The following CSNK1G1 variants were observed in gnomAD, a reference collection of about 807,000 sequenced individuals.
The protein encoded by CSNK1G1 is casein kinase 1 gamma 1, also known as casein kinase I isoform gamma-1.
CSNK1G1 carries 22 observed loss-of-function variants against 59.6 expected under a neutral mutation model. The observed-to-expected ratio is 0.37, with a 90% CI of 0.26 to 0.53. The LOEUF (loss-of-function observed/expected upper bound fraction) is 0.53. CSNK1G1 is among the 20% of genes least tolerant of loss of function. CSNK1G1 has a pLI of 0.89. For missense variants in CSNK1G1, 384 were observed against 519.5 expected (o/e 0.74, Z 2.54); for synonymous variants, 179 against 177.1 (o/e 1.01, Z -0.08).
rs1362851044 is a variant in CSNK1G1, at chr15:64,354,724, T to A, written c.-225+1264A>T. 2.0e-5 allele frequency among the ~76,000 whole-genome samples: 3 copies of A among 152,274 alleles called. No homozygotes were observed. In the East Asian group the frequency reaches 5.8e-4, roughly 29 times the overall value. ...AATTTATCTTCTAATTCAAAGGTGGTTCCGTTTAAAATGGGATGTTACTTA... is the reference window on the plus strand; with the variant it reads ...AATTTATCTTCTAATTCAAAGGTGGATCCGTTTAAAATGGGATGTTACTTA... On this transcript the variant is annotated intron_variant, in intron 1 of 11. Transcript: ENST00000303052.
chr15:64,262,166 T>C (rs908263662), intron 2 of CSNK1G1, among the ~76,000 whole-genome samples: 7 of 152,180 alleles, frequency 4.6e-5, no homozygotes, highest in Non-Finnish European at 1.0e-4. Context: ...TCTACACAGA[T>C]ACCAGACATC....
chr15:64,257,610 T>C (rs1486902240), intron 3 of CSNK1G1, among the ~76,000 whole-genome samples: 7 of 152,130 alleles, frequency 4.6e-5, no homozygotes, highest in Non-Finnish European at 1.5e-5. Flanking sequence ...CAGTCTCGAC[T>C]TCCTGGGCTC....
chr15:64,342,072 C>T (rs1027731445), intron 1 of CSNK1G1, among the ~76,000 whole-genome samples: 1 of 152,154 alleles, frequency 6.6e-6, no homozygotes, highest in Non-Finnish European at 1.5e-5. Context: ...ATTTCCCTTC[C>T]GACAGTGACG....
At chr15:64,172,144 G>A (rs1224353583) in intron 11 of CSNK1G1, among the ~76,000 whole-genome samples, 159 bp from the exon 12 acceptor site, 2 of 152,352 alleles carry the variant, frequency 1.3e-5, no homozygotes, top group Non-Finnish European at 2.9e-5. Flanking sequence ...GCAGTGGGCA[G>A]TGTCTGCCAG....
At chr15:64,271,772 A>G (rs577885167) in intron 2 of CSNK1G1, among the ~76,000 whole-genome samples, 1 of 152,330 alleles carries the variant, frequency 6.6e-6, no homozygotes, top group African/African-American at 2.4e-5. Context: ...GAGGTCTGTA[A>G]GATCCATTTG....
chr15:64,251,625 G>T, intron 3 of CSNK1G1, 44 bp from the exon 4 acceptor site: 1 of 1,414,918 alleles, frequency 7.1e-7, no homozygotes. Context: ...TAAACAAATG[G>T]GATTTTTCCA....
At chr15:64,223,470 G>A (rs1313026275) in intron 4 of CSNK1G1, among the ~76,000 whole-genome samples, 1 of 152,118 alleles carries the variant, frequency 6.6e-6, no homozygotes, top group East Asian at 1.9e-4. Flanking sequence ...ATATGTGCTG[G>A]ATTCTTTGAT....
At chr15:64,202,125 C>G (rs1004703520) in intron 10 of CSNK1G1, among the ~76,000 whole-genome samples, 1 of 152,112 alleles carries the variant, frequency 6.6e-6, no homozygotes, top group South Asian at 2.1e-4. Flanking sequence ...TTCCAAACAA[C>G]GAACAATGAA....
intron 4 of CSNK1G1, among the ~76,000 whole-genome samples, chr15:64,229,939 T>TTTTTTTTTTTTTTTTA (rs768405168): frequency 8.2e-6 from 1 of 121,504 alleles, no homozygotes. Context: ...TTTTTTTTTT[T>TTTTTTTTTTTTTTTTA]AAGACAGAAT....
chr15:64,337,081 A>C (rs1158754666), intron 1 of CSNK1G1, among the ~76,000 whole-genome samples: 2 of 151,928 alleles, frequency 1.3e-5, no homozygotes, highest in African/African-American at 2.4e-5. Flanking sequence ...TACAAAAATT[A>C]TCCAGGCGCA....
chr15:64,260,418 G>A (rs929383380), intron 2 of CSNK1G1, among the ~76,000 whole-genome samples: 18 of 152,000 alleles, frequency 1.2e-4, no homozygotes, highest in African/African-American at 4.4e-4. Flanking sequence ...TACTATTTTA[G>A]TATTTTCTGA....
Position 64,200,232 on chromosome 15 carries a change from T to C in CSNK1G1, c.1107+2850A>G, listed in dbSNP as rs974797008. Reference sequence around the variant, plus strand: ...AGCCTTGGTGATAAGAGCTAAACTCTGTCTCAAAAAAAAAAAGAGACACAA... The same window carrying C: ...AGCCTTGGTGATAAGAGCTAAACTCCGTCTCAAAAAAAAAAAGAGACACAA... On this transcript the variant is annotated intron_variant, in intron 10 of 11. Coordinates refer to ENST00000303052, the MANE Select transcript of CSNK1G1 (RefSeq NM_022048.5). This position sits in a 1 kb window ranked among gnomAD's most constrained non-coding sequence, Gnocchi z 4.3. Among the ~76,000 whole-genome samples the C allele has an allele frequency of 4.6e-5, 7 of 151,654 alleles. No homozygotes were observed. The highest frequency in any genetic ancestry group is 1.7e-4 in the African/African-American group (7 of 41,270).
chr15:64,301,640 C>T (rs188153566), intron 1 of CSNK1G1, among the ~76,000 whole-genome samples: 2 of 152,344 alleles, frequency 1.3e-5, no homozygotes, highest in East Asian at 3.9e-4. Context: ...GTAATCCCAG[C>T]ACTTTGGGAG....
intron 10 of CSNK1G1, among the ~76,000 whole-genome samples, chr15:64,196,062 T>C (rs1445526409): frequency 1.3e-5 from 2 of 151,928 alleles, no homozygotes; most frequent in Non-Finnish European, 2.9e-5. Context: ...AAAAAATAAA[T>C]AAACATTAGT....
chr15:64,344,870 C>T (rs1241294015), intron 1 of CSNK1G1, among the ~76,000 whole-genome samples: 2 of 152,128 alleles, frequency 1.3e-5, no homozygotes, highest in African/African-American at 4.8e-5. Context: ...ATTTCATAAT[C>T]TATGAAACTC....
At chr15:64,320,094 A>G (rs2140437483) in intron 1 of CSNK1G1, among the ~76,000 whole-genome samples, 1 of 151,786 alleles carries the variant, frequency 6.6e-6, no homozygotes, top group East Asian at 1.9e-4. Context: ...TTTTGTAGAG[A>G]CAGAGTCTCA....
rs139696887 is a variant in CSNK1G1, at chr15:64,212,993, G to A, written c.679+897C>T. 4.7e-3 allele frequency among the ~76,000 whole-genome samples: 722 copies of A among 152,242 alleles called. 6 individuals carry two copies. Among genetic ancestry groups the A allele is most frequent in the African/African-American group, 0.017 (697 of 41,546 alleles). Reference sequence around the variant, plus strand: ...TGCACTCCAGCCTGGGTGATAGAGCGAGACTACATCTCAAAAAAATAAATA... The same window carrying A: ...TGCACTCCAGCCTGGGTGATAGAGCAAGACTACATCTCAAAAAAATAAATA... On this transcript the variant is annotated intron_variant, in intron 6 of 11. Coordinates refer to ENST00000303052, the MANE Select transcript of CSNK1G1 (RefSeq NM_022048.5).
At chr15:64,260,743 TAAAC>T (rs772381188) in intron 2 of CSNK1G1, among the ~76,000 whole-genome samples, 2 of 151,922 alleles carry the variant, frequency 1.3e-5, no homozygotes, top group African/African-American at 2.4e-5. Context: ...ATCTCATAAA[TAAAC>T]AAACAAACAA....
At chr15:64,255,280 T>C (rs1215928151) in intron 3 of CSNK1G1, among the ~76,000 whole-genome samples, 1 of 148,430 alleles carries the variant, frequency 6.7e-6, no homozygotes, top group South Asian at 2.1e-4. Context: ...TTTTACCATA[T>C]TGGCCAGGCT....
Sources: allele counts gnomAD v4.1 joint callset (sites outside exome capture counted in the v4.1 genomes callset), GRCh38; gene constraint gnomAD v4.1.1; non-coding constraint Gnocchi (gnomAD v3.1); transcripts MANE v1.5; gene names NCBI Gene and HGNC (gene_info 2026-07-23, HGNC 2026-07-21).